TENM4: variants seen among roughly 807,000 people sequenced by gnomAD.
TENM4 encodes teneurin transmembrane protein 4.
TENM4 carries 82 observed loss-of-function variants against 243.3 expected under a neutral mutation model. The observed-to-expected ratio is 0.34, with a 90% CI of 0.28 to 0.40. The LOEUF is 0.40. Among genes scored for constraint, TENM4 ranks in the 10% least tolerant of loss-of-function variants. TENM4 has a pLI of 1.00. For synonymous variants in TENM4, 1,412 were observed against 1,456.3 expected, an observed-to-expected ratio of 0.97 and a Z score of 0.69; for missense variants, 3,138 against 3,673.3, an observed-to-expected ratio of 0.85 and a Z score of 3.77.
At chr11:79,187,436 T>A (rs1280710259) in intron 3 of TENM4, among the ~76,000 whole-genome samples, 1 of 152,206 alleles carries the variant, frequency 6.6e-6, no homozygotes, top group East Asian at 1.9e-4. Context: ...CAGAAAGTGC[T>A]TCCTAAATAA....
At position 78,655,927 on chromosome 11, in the gene TENM4, C is replaced by T. The variant is rs1244896863; in HGVS notation, c.*2131G>A. 6.6e-6 allele frequency: 1 copy of T among 152,238 alleles called. No homozygotes were observed. The highest frequency in any genetic ancestry group is 1.5e-5 in the Non-Finnish European group (1 of 68,066). The allele number at this position is 152,238 out of a possible 1,614,324, so 9.4% of individuals were successfully genotyped here. On this transcript the variant is annotated 3_prime_UTR_variant, in exon 34 of 34. Coordinates refer to ENST00000278550, the MANE Select transcript of TENM4 (RefSeq NM_001098816.3). ...TGCCTCCCACAGCAGGCCTGCAGAG[C>T]ACTGTATCTGACTCAGTAGAGCTCT...
At chr11:79,164,123 T>C (rs1381629712) in intron 3 of TENM4, among the ~76,000 whole-genome samples, 2 of 90,356 alleles carry the variant, frequency 2.2e-5, no homozygotes, top group Admixed American at 1.3e-4. Context: ...ATATATACTA[T>C]GTATATATAG....
chr11:78,956,786 C>T (rs12288667), intron 6 of TENM4, among the ~76,000 whole-genome samples: 5,899 of 152,282 alleles, frequency 0.039, 402 homozygotes, highest in African/African-American at 0.13. Flanking sequence ...TGACATGAGG[C>T]TTGGAGTCAT....
intron 6 of TENM4, among the ~76,000 whole-genome samples, chr11:79,026,096 G>C (rs1443779266): frequency 6.6e-6 from 1 of 152,198 alleles, no homozygotes; most frequent in Admixed American, 6.5e-5. Context: ...GCAGGATTCA[G>C]GGCAGTGCCT....
intron 1 of TENM4, among the ~76,000 whole-genome samples, chr11:79,400,247 T>C (rs1027451078): frequency 3.3e-5 from 5 of 152,004 alleles, no homozygotes; most frequent in African/African-American, 9.7e-5. Context: ...ATGGTTAAAT[T>C]TGCAGCCTGG....
At chr11:78,825,226 T>G (rs1357567766) in intron 12 of TENM4, among the ~76,000 whole-genome samples, 1 of 152,208 alleles carries the variant, frequency 6.6e-6, no homozygotes, top group Admixed American at 6.5e-5. Flanking sequence ...AGGGTGTGAT[T>G]TGGAGAAGTC....
chr11:79,412,429 C>T (rs1352431591), intron 1 of TENM4, among the ~76,000 whole-genome samples: 1 of 152,162 alleles, frequency 6.6e-6, no homozygotes, highest in Non-Finnish European at 1.5e-5. Context: ...TTGGAACACC[C>T]AACCCCATTC....
At chr11:79,397,948 T>A (rs1172050118) in intron 1 of TENM4, among the ~76,000 whole-genome samples, 2 of 152,194 alleles carry the variant, frequency 1.3e-5, no homozygotes, top group African/African-American at 4.8e-5. Flanking sequence ...TTATATGAGT[T>A]TTCTCATTAA....
intron 5 of TENM4, chr11:79,067,945 G>C (rs999264450): frequency 6.6e-6 from 1 of 152,150 alleles, no homozygotes; most frequent in African/African-American, 2.4e-5. Context: ...AGGATCCAGG[G>C]TGATAATTTG....
intron 6 of TENM4, among the ~76,000 whole-genome samples, chr11:79,036,124 TA>T (rs1219172290): frequency 1.3e-5 from 2 of 152,226 alleles, no homozygotes; most frequent in African/African-American, 4.8e-5. Flanking sequence ...GAGAACTTGT[TA>T]AAAAGCAGAA....
chr11:79,035,567 G>A (rs576227339), intron 6 of TENM4, among the ~76,000 whole-genome samples: 4 of 150,486 alleles, frequency 2.7e-5, no homozygotes, highest in Non-Finnish European at 4.4e-5. Flanking sequence ...GGAAAACAAA[G>A]CAAGACAAAA....
intron 19 of TENM4, among the ~76,000 whole-genome samples, chr11:78,748,629 T>C (rs1856109914): frequency 1.3e-5 from 2 of 152,200 alleles, no homozygotes; most frequent in African/African-American, 4.8e-5. Context: ...CTTCCAATGT[T>C]GGCTCTGCTA....
Position 79,438,950 on chromosome 11 carries a change from C to T in TENM4, c.-321+1559G>A, listed in dbSNP as rs1859337319. 1 of 151,898 alleles carries T rather than the reference C, an allele frequency of 6.6e-6. No individual in the cohort carries two copies. Among genetic ancestry groups the T allele is most frequent in the African/African-American group, 2.4e-5 (1 of 41,352 alleles). 9.4% of individuals were successfully genotyped at this position (151,898 alleles called of 1,614,324 possible). ...GCTACCCAGGCCGGGGTGGGGGCGC[C>T]CCGGTACTTACACTCCCCAAGCAGG... On this transcript the variant is annotated intron_variant, in intron 1 of 33. Coordinates refer to ENST00000278550, the MANE Select transcript of TENM4 (RefSeq NM_001098816.3). This position sits in a 1 kb window ranked among gnomAD's most constrained non-coding sequence, Gnocchi z 4.1.
At chr11:79,160,917 G>A (rs1862732040) in intron 3 of TENM4, among the ~76,000 whole-genome samples, 1 of 152,254 alleles carries the variant, frequency 6.6e-6, no homozygotes, top group Non-Finnish European at 1.5e-5. Flanking sequence ...GGGCCAATGG[G>A]TGTGAGCAGA....
At chr11:79,233,481 A>T (rs1020726823) in intron 2 of TENM4, among the ~76,000 whole-genome samples, 6 of 152,130 alleles carry the variant, frequency 3.9e-5, no homozygotes, top group Admixed American at 3.9e-4. Context: ...TTGAGTGAGG[A>T]TGGTAGATGA....
At chr11:79,192,681 C>A (rs948771208) in intron 3 of TENM4, among the ~76,000 whole-genome samples, 2 of 152,070 alleles carry the variant, frequency 1.3e-5, no homozygotes, top group Non-Finnish European at 2.9e-5. Context: ...GCTGACCTTC[C>A]CTCCACTAGT....
At chr11:78,700,204 C>A (rs1859070577) in intron 28 of TENM4, among the ~76,000 whole-genome samples, 1 of 152,190 alleles carries the variant, frequency 6.6e-6, no homozygotes, top group Non-Finnish European at 1.5e-5. Flanking sequence ...TTGGAATTAA[C>A]AAACTCAGTG....
intron 1 of TENM4, among the ~76,000 whole-genome samples, chr11:79,426,976 A>G (rs1859066598): frequency 6.6e-6 from 1 of 152,152 alleles, no homozygotes; most frequent in African/African-American, 2.4e-5. Flanking sequence ...AATCTTAATG[A>G]CCTAGTGACC....
intron 7 of TENM4, among the ~76,000 whole-genome samples, chr11:78,891,805 T>G (rs571183754): frequency 6.6e-6 from 1 of 152,184 alleles, no homozygotes; most frequent in Admixed American, 6.5e-5. Flanking sequence ...CTCTCTCTAC[T>G]TGAGGCTGCT....
Sources: gnomAD v4.1 joint callset for allele counts (sites outside exome capture counted in the v4.1 genomes callset) on GRCh38, gnomAD v4.1.1 for gene constraint, Gnocchi (gnomAD v3.1) non-coding constraint, MANE v1.5 for transcripts, NCBI Gene and HGNC (gene_info 2026-07-23, HGNC 2026-07-21) for gene names.